The following JARID2 variants were observed in gnomAD, a reference collection of about 807,000 sequenced individuals.
JARID2 encodes the protein jumonji and AT-rich interaction domain containing 2.
A neutral mutation model predicts 125.6 loss-of-function variants in JARID2; 21 were observed. That is an observed-to-expected ratio of 0.17 (90% CI 0.12 to 0.24). JARID2 has a LOEUF of 0.24. Ranked by LOEUF, JARID2 falls within the 10% of genes least tolerant of loss-of-function variation. JARID2 has a pLI of 1.00. For missense variants in JARID2, 1,303 were observed against 1,639.6 expected (o/e 0.79, Z 3.55); for synonymous variants, 736 against 661.6 (o/e 1.11, Z -1.73).
rs1359265824 is a variant in JARID2, at chr6:15,496,664, T to C, written c.1439T>C (p.Leu480Pro). ...AAGAAGGCCCCGGCCGAGAGAGGTC[T>C]GCTGAACGGACACGTGAAGAAGGAA... The part of the protein sequence containing the change: ...PGKKAPAERG[L>P]LNGHVKKEVP... The change falls in exon 7 of 18, where the codon CTG (leucine) becomes CCG (proline). Residue 480 changes from leucine (L) to proline (P), a missense_variant. By Grantham distance (98) the Leu-to-Pro change is moderately conservative. Coordinates refer to ENST00000341776, the MANE Select transcript of JARID2 (RefSeq NM_004973.4). 6.2e-7 allele frequency: 1 copy of C among 1,612,594 alleles called. No homozygotes were observed. The highest frequency in any genetic ancestry group is 8.5e-7 in the Non-Finnish European group (1 of 1,179,846).
intron 1 of JARID2, among the ~76,000 whole-genome samples, chr6:15,263,064 G>C (rs988982345): frequency 2.8e-5 from 4 of 144,424 alleles, no homozygotes; most frequent in African/African-American, 1.1e-4. Context: ...GCCCTTTGGA[G>C]GGTGTGTGTT....
chr6:15,251,712 C>T (rs1483322057), intron 1 of JARID2, among the ~76,000 whole-genome samples: 9 of 152,184 alleles, frequency 5.9e-5, no homozygotes, highest in Non-Finnish European at 1.2e-4. Flanking sequence ...AGCGTGGTGG[C>T]TCATGCCTGT....
At chr6:15,266,805 C>A (rs1760100665) in intron 1 of JARID2, among the ~76,000 whole-genome samples, 1 of 152,146 alleles carries the variant, frequency 6.6e-6, no homozygotes, top group Non-Finnish European at 1.5e-5. Context: ...GGAGACCTCG[C>A]CAGTGGCCTG....
At chr6:15,483,804 G>A (rs554868029) in intron 5 of JARID2, among the ~76,000 whole-genome samples, 7 of 151,986 alleles carry the variant, frequency 4.6e-5, no homozygotes, top group African/African-American at 9.7e-5. Flanking sequence ...GAACTCCTAC[G>A]TTTCTCCTTT....
chr6:15,359,362 G>C (rs1281278000), intron 1 of JARID2, among the ~76,000 whole-genome samples: 1 of 152,184 alleles, frequency 6.6e-6, no homozygotes, highest in Non-Finnish European at 1.5e-5. Context: ...GTGGCATCCA[G>C]AGGTTGCTCT....
intron 1 of JARID2, chr6:15,369,292 T>A: frequency 2.2e-6 from 1 of 462,702 alleles, no homozygotes; most frequent in Non-Finnish European, 4.4e-6. Context: ...CAGTGTTTTT[T>A]ACTAATTTTA....
At chr6:15,363,730 G>A (rs1763877764) in intron 1 of JARID2, among the ~76,000 whole-genome samples, 2 of 152,146 alleles carry the variant, frequency 1.3e-5, no homozygotes, top group Admixed American at 6.5e-5. Flanking sequence ...CAGGAAATGT[G>A]TGTGCCCTGT....
chr6:15,403,336 C>T (rs1455282968), intron 2 of JARID2, among the ~76,000 whole-genome samples: 1 of 151,818 alleles, frequency 6.6e-6, no homozygotes, highest in Non-Finnish European at 1.5e-5. Context: ...GTTTTCTGTC[C>T]CCCTGGGATT....
chr6:15,316,247 G>T (rs936377587), intron 1 of JARID2, among the ~76,000 whole-genome samples: 9 of 151,940 alleles, frequency 5.9e-5, no homozygotes, highest in African/African-American at 2.2e-4. Flanking sequence ...AGCCTCCCTA[G>T]TAGCTGGGAC....
chr6:15,434,726 G>C (rs1767129005), intron 3 of JARID2, among the ~76,000 whole-genome samples: 1 of 152,198 alleles, frequency 6.6e-6, no homozygotes, highest in African/African-American at 2.4e-5. Flanking sequence ...TTGATCTGCT[G>C]TTTCCTCATC....
At chr6:15,492,448 T>TGG (rs1770199011) in intron 6 of JARID2, among the ~76,000 whole-genome samples, 1 of 151,992 alleles carries the variant, frequency 6.6e-6, no homozygotes. Flanking sequence ...GATACAGAGG[T>TGG]GGGTTGAGGG....
At chr6:15,311,267 A>G (rs929687331) in intron 1 of JARID2, among the ~76,000 whole-genome samples, 15 of 152,172 alleles carry the variant, frequency 9.9e-5, no homozygotes, top group African/African-American at 3.4e-4. Context: ...TCTCTCTGGT[A>G]CACTTTTACA....
chr6:15,416,461 G>C (rs1468025434), intron 3 of JARID2, among the ~76,000 whole-genome samples: 2 of 152,158 alleles, frequency 1.3e-5, no homozygotes, highest in South Asian at 4.1e-4. Context: ...CGAGGCTGGC[G>C]GATCACTCGC....
chr6:15,353,156 A>C (rs1385826197), intron 1 of JARID2, among the ~76,000 whole-genome samples: 2 of 151,938 alleles, frequency 1.3e-5, no homozygotes, highest in African/African-American at 2.4e-5. Flanking sequence ...ATCATTTTAC[A>C]CTCCCACTGC....
At chr6:15,307,256 C>T (rs1216842034) in intron 1 of JARID2, among the ~76,000 whole-genome samples, 1 of 151,828 alleles carries the variant, frequency 6.6e-6, no homozygotes, top group East Asian at 2.0e-4. Flanking sequence ...AAGAAGAAAA[C>T]ATTTTTTCCT....
intron 1 of JARID2, among the ~76,000 whole-genome samples, chr6:15,276,391 C>T (rs1485253408): frequency 6.6e-6 from 1 of 152,198 alleles, no homozygotes; most frequent in Non-Finnish European, 1.5e-5. Context: ...TATATTCCTG[C>T]CAGTGCATTT....
In JARID2 at chr6:15,288,237, C is replaced by T. The variant is rs113524379; in HGVS notation, c.45+41653C>T. Among the ~76,000 whole-genome samples, 435 of 150,442 alleles carry T rather than the reference C, an allele frequency of 2.9e-3. 2 individuals carry two copies. Among genetic ancestry groups the T allele is most frequent in the African/African-American group, 0.01 (423 of 40,676 alleles). ...GGCTGCTTAGCTTCTGGGGAAGCCTCTGGGAGTTTTTGCTCATGGCAGAAG... is the reference window on the plus strand; with the variant it reads ...GGCTGCTTAGCTTCTGGGGAAGCCTTTGGGAGTTTTTGCTCATGGCAGAAG... On this transcript the variant is annotated intron_variant, in intron 1 of 17. Transcript: ENST00000341776.
At chr6:15,290,802 A>G (rs1395328821) in intron 1 of JARID2, among the ~76,000 whole-genome samples, 2 of 152,008 alleles carry the variant, frequency 1.3e-5, no homozygotes, top group Non-Finnish European at 2.9e-5. Context: ...TTGTATTTTT[A>G]GTAGAGATGA....
chr6:15,410,144 G>A lies in JARID2; in HGVS notation c.182-80G>A, dbSNP rs183350697. 2.5e-3 allele frequency: 3,154 copies of A among 1,279,720 alleles called. 4 individuals are homozygous for A. Among genetic ancestry groups the A allele is most frequent in the Non-Finnish European group, 3.2e-3 (2,877 of 909,092 alleles). 79.3% of individuals were successfully genotyped at this position (1,279,720 alleles called of 1,614,324 possible). A position where few individuals can be genotyped will look rare whatever the true frequency, so the allele number is the denominator to read the frequency against. On this transcript the variant is annotated intron_variant, in intron 2 of 17. Transcript: ENST00000341776. ...CACATTCTTGTCTGTCTTCATCAGCGTTGTGTAGGGTTAACTGTGGTAAAG... is the reference window on the plus strand; with the variant it reads ...CACATTCTTGTCTGTCTTCATCAGCATTGTGTAGGGTTAACTGTGGTAAAG...
Sources: allele counts gnomAD v4.1 joint callset (sites outside exome capture counted in the v4.1 genomes callset), GRCh38; gene constraint gnomAD v4.1.1; transcripts MANE v1.5; gene names NCBI Gene and HGNC (gene_info 2026-07-23, HGNC 2026-07-21).